ZNF44: variants seen among roughly 807,000 people sequenced by gnomAD.
ZNF44 encodes zinc finger protein 44, also known as gonadotropin inducible transcription repressor-2.
A neutral mutation model predicts 11.7 loss-of-function variants in ZNF44; 9 were observed. The ratio of observed to expected loss-of-function variants is 0.77; its 90% CI spans 0.46 to 1.35. The LOEUF (loss-of-function observed/expected upper bound fraction) is 1.35, where lower values mean the gene tolerates loss of function less well. ZNF44 is among the 40% of genes most tolerant of loss of function. ZNF44 has a pLI of 0.00. For missense variants in ZNF44, 696 were observed against 743.1 expected (o/e 0.94, Z 0.74); for synonymous variants, 224 against 242.7 (o/e 0.92, Z 0.72).
At chr19:12,255,619 G>A (rs1307183519) in intron 5 of ZNF44, among the ~76,000 whole-genome samples, 2 of 152,140 alleles carry the variant, frequency 1.3e-5, no homozygotes, top group Admixed American at 6.6e-5. Flanking sequence ...ACAAGGCAAG[G>A]GAGTCCTCTC....
At position 12,273,499 on chromosome 19, in the gene ZNF44, C is replaced by T. The variant is rs148709740; in HGVS notation, c.756G>A (p.Pro252=). The change falls in exon 4 of 4, where the codon CCG becomes CCA. Residue 252 remains proline (P), a synonymous_variant. Transcript: ENST00000355684. ...CTTTAGAACACTGCTTACATTCATA[C>T]GGTTTCTCCCCAGTGTGTATTTTTT... The part of the protein sequence containing the change: ...RHEKIHTGEK[P]YECKQCSKAF... 2.7e-4 allele frequency: 439 copies of T among 1,613,366 alleles called. 7 individuals carry two copies. The East Asian group carries it at 8.1e-3, about 30-fold the overall frequency.
upstream of ZNF44, among the ~76,000 whole-genome samples, chr19:12,239,053 C>G (rs1257061613): frequency 6.6e-6 from 1 of 152,176 alleles, no homozygotes; most frequent in Non-Finnish European, 1.5e-5. Context: ...TCTAAATAAA[C>G]TGTCAAAATC....
intron 5 of ZNF44, among the ~76,000 whole-genome samples, chr19:12,261,575 G>A (rs1917511829): frequency 6.6e-6 from 1 of 152,102 alleles, no homozygotes; most frequent in Non-Finnish European, 1.5e-5. Context: ...GTTACAGAGA[G>A]CTATGATTGC....
At chr19:12,257,598 C>T (rs914766336) in intron 5 of ZNF44, among the ~76,000 whole-genome samples, 1 of 151,160 alleles carries the variant, frequency 6.6e-6, no homozygotes, top group African/African-American at 2.4e-5. Context: ...GCAGCCTGGC[C>T]AACATGGTGA....
At chr19:12,224,833 G>A (rs1159232682), downstream of ZNF44, 1 of 152,108 alleles carries the variant, frequency 6.6e-6, no homozygotes, top group African/African-American at 2.4e-5. Flanking sequence ...TTCTGTGTGG[G>A]GGAGAAGTTT....
downstream of ZNF44, among the ~76,000 whole-genome samples, chr19:12,269,854 A>G (rs1010298480): frequency 1.3e-5 from 2 of 152,214 alleles, no homozygotes; most frequent in African/African-American, 4.8e-5. Context: ...TACTTAGGTC[A>G]TCTCATCAGA....
chr19:12,240,322 G>A (rs2145683462), upstream of ZNF44, among the ~76,000 whole-genome samples: 1 of 151,730 alleles, frequency 6.6e-6, no homozygotes, highest in East Asian at 2.0e-4. Context: ...GCTCGTGCCT[G>A]TAATTCCAGC....
At position 12,235,094 on chromosome 19, in the gene ZNF44, G is replaced by A. The variant is rs551813235; in HGVS notation, n.139-186C>T. ...TACACAGGGTACAAAAGATTGGTTG[G>A]GGCCGGGCGTGGTGGCTCATGCCTG... On this transcript the variant is annotated intron_variant and non_coding_transcript_variant, in intron 1 of 3. Transcript: ENST00000597563. Among the ~76,000 whole-genome samples the A allele has an allele frequency of 1.6e-4, 24 of 152,258 alleles. No homozygotes were observed. The South Asian group carries it at 4.8e-3, about 30-fold the overall frequency.
intron 1 of ZNF44, chr19:12,285,021 AC>A (rs1011611173): frequency 1.3e-5 from 9 of 704,494 alleles, no homozygotes; most frequent in Admixed American, 1.2e-4. Flanking sequence ...CGCCAAGGCC[AC>A]CTTTGATGTC....
In ZNF44 at chr19:12,260,580, A is replaced by T. The variant is rs1324546109; in HGVS notation, c.1913-10212T>A. 5.9e-6 allele frequency: 4 copies of T among 681,040 alleles called. No individual in the cohort carries two copies. The Admixed American group carries it at 1.2e-4, about 20-fold the overall frequency. The allele number at this position is 681,040 out of a possible 1,614,324, so 42.2% of individuals were successfully genotyped here. On this transcript the variant is annotated intron_variant and NMD_transcript_variant, in intron 5 of 7. Transcript: ENST00000393337. Reference sequence around the variant, plus strand: ...CAATAAAGAGTCAGCTGGCTTTCTCACCACCAGCCCCTCATGCCCGCAAAA... The same window carrying T: ...CAATAAAGAGTCAGCTGGCTTTCTCTCCACCAGCCCCTCATGCCCGCAAAA...
At chr19:12,243,247 T>C (rs1363184743), downstream of ZNF44, among the ~76,000 whole-genome samples, 1 of 152,222 alleles carries the variant, frequency 6.6e-6, no homozygotes, top group Non-Finnish European at 1.5e-5. Flanking sequence ...CACAGTCAAA[T>C]TAACACATTG....
chr19:12,271,757 T>A (rs1966955612), downstream of ZNF44: 1 of 152,132 alleles, frequency 6.6e-6, no homozygotes, highest in Non-Finnish European at 1.5e-5. Context: ...ACTGAACACA[T>A]ATAGATTTTT....
chr19:12,290,154 G>A (rs1190492705), intron 1 of ZNF44, among the ~76,000 whole-genome samples: 1 of 152,068 alleles, frequency 6.6e-6, no homozygotes, highest in Non-Finnish European at 1.5e-5. Flanking sequence ...GGGAGGCCAA[G>A]GCGGGCAGAT....
chr19:12,294,785 GTC>G lies in ZNF44; in HGVS notation c.-93_-92del. The G allele has an allele frequency of 6.9e-7, 1 of 1,459,310 alleles. No homozygotes were observed. 90.4% of individuals were successfully genotyped at this position (1,459,310 alleles called of 1,614,324 possible). The stretch of plus-strand genomic sequence containing the variant: ...AAAGCCACCACAGATGTCCCAGGGC[GTC>G]TCTCAGTGACAGAATACGGAACAGA... On this transcript the variant is annotated 5_prime_UTR_variant, in exon 1 of 4. Transcript: ENST00000355684.
chr19:12,268,740 ATT>A (rs34705958), downstream of ZNF44, among the ~76,000 whole-genome samples: 58 of 137,514 alleles, frequency 4.2e-4, no homozygotes, highest in African/African-American at 7.0e-4. Flanking sequence ...TGCCTGGCTA[ATT>A]TTTTTTTTTT....
intron 1 of ZNF44, among the ~76,000 whole-genome samples, chr19:12,283,353 A>T (rs1221748015): frequency 6.6e-6 from 1 of 151,666 alleles, no homozygotes; most frequent in African/African-American, 2.4e-5. Context: ...TTTGAGACAG[A>T]GTCTCGCACT....
chr19:12,287,220 T>A (rs1967798542), intron 1 of ZNF44, among the ~76,000 whole-genome samples: 1 of 151,722 alleles, frequency 6.6e-6, no homozygotes, highest in Non-Finnish European at 1.5e-5. Context: ...TCCCCATGAG[T>A]CTTCACTGTC....
intron 7 of ZNF44, chr19:12,248,824 G>A (rs1916863012): frequency 1.3e-5 from 5 of 372,656 alleles, no homozygotes; most frequent in South Asian, 9.4e-5. Context: ...TGAATGTACT[G>A]AATGCTATGG....
chr19:12,253,238 G>A (rs868777323), intron 5 of ZNF44, among the ~76,000 whole-genome samples: 4 of 144,932 alleles, frequency 2.8e-5, no homozygotes, highest in Middle Eastern at 7.7e-3. Flanking sequence ...TGCCCAGGCT[G>A]GAGTGCAGAG....
Sources: allele counts gnomAD v4.1 joint callset (sites outside exome capture counted in the v4.1 genomes callset), GRCh38; gene constraint gnomAD v4.1.1; transcripts MANE v1.5; gene names NCBI Gene and HGNC (gene_info 2026-07-23, HGNC 2026-07-21).